The following DPF3 variants were observed in gnomAD, a reference collection of about 807,000 sequenced individuals.
DPF3 encodes zinc finger protein DPF3.
DPF3 carries 18 observed loss-of-function variants against 56.8 expected under a neutral mutation model. The observed-to-expected ratio is 0.32, with a 90% CI of 0.22 to 0.47. The LOEUF is 0.47. Among genes scored for constraint, DPF3 ranks in the 20% least tolerant of loss-of-function variants. The pLI is 1.00. For synonymous variants in DPF3, 188 were observed against 180.2 expected (o/e 1.04, Z -0.35); for missense variants, 403 against 488.8 (o/e 0.82, Z 1.65).
intron 7 of DPF3, among the ~76,000 whole-genome samples, chr14:72,684,693 G>A (rs1415646489): frequency 6.6e-6 from 1 of 152,070 alleles, no homozygotes; most frequent in Non-Finnish European, 1.5e-5. Context: ...CAGGGGTGGG[G>A]TCTCTAAAAC....
intron 1 of DPF3, among the ~76,000 whole-genome samples, chr14:72,860,691 G>A (rs1341729060): frequency 4.0e-5 from 6 of 151,804 alleles, no homozygotes; most frequent in Non-Finnish European, 7.4e-5. Flanking sequence ...TCAGCCTCCC[G>A]AGTAGCTGAG....
At chr14:72,863,134 GTGTA>G (rs1308457964) in intron 1 of DPF3, among the ~76,000 whole-genome samples, 1,275 of 91,376 alleles carry the variant, frequency 0.014, 21 homozygotes, top group African/African-American at 0.074. Flanking sequence ...GTGTGTGTGT[GTGTA>G]TATATATATG....
intron 1 of DPF3, among the ~76,000 whole-genome samples, chr14:72,812,560 C>G (rs1464406620): frequency 6.6e-6 from 1 of 152,126 alleles, no homozygotes; most frequent in African/African-American, 2.4e-5. Flanking sequence ...TCACCGAGAG[C>G]CACCTGAGCT....
rs1170821095 is a variant in DPF3, at chr14:72,777,549, A to G, written c.33-5656T>C. 5.9e-5 allele frequency among the ~76,000 whole-genome samples: 9 copies of G among 152,176 alleles called. No individual in the cohort carries two copies. The East Asian group carries it at 1.5e-3, about 26-fold the overall frequency. The stretch of plus-strand genomic sequence containing the variant: ...GGAGATGGAGCATTTGGGAGGTGAT[A>G]TCATTTGATATTTACCCCTGCCCAA... On this transcript the variant is annotated intron_variant, in intron 1 of 10. Coordinates refer to ENST00000556509, the MANE Select transcript of DPF3 (RefSeq NM_001280542.3).
intron 1 of DPF3, among the ~76,000 whole-genome samples, chr14:72,861,395 C>G (rs903710581): frequency 6.6e-6 from 1 of 152,044 alleles, no homozygotes; most frequent in Non-Finnish European, 1.5e-5. Flanking sequence ...AATTCAGACC[C>G]CTAGCTCTCC....
At chr14:72,892,677 C>G in intron 1 of DPF3, 1 of 1,032,110 alleles carries the variant, frequency 9.7e-7, no homozygotes. Context: ...CCAGGGTCGA[C>G]AGCGGCCACG....
intron 8 of DPF3, among the ~76,000 whole-genome samples, chr14:72,635,067 C>T (rs1206567328): frequency 6.6e-6 from 1 of 152,162 alleles, no homozygotes; most frequent in Non-Finnish European, 1.5e-5. Context: ...ATTCCTGATT[C>T]AGCCCTAACC....
At chr14:72,813,962 T>C (rs1026343471) in intron 1 of DPF3, among the ~76,000 whole-genome samples, 4 of 152,166 alleles carry the variant, frequency 2.6e-5, no homozygotes, top group Admixed American at 2.6e-4. Context: ...AAGGCATACT[T>C]TAATAGAATT....
intron 6 of DPF3, among the ~76,000 whole-genome samples, chr14:72,695,630 G>A (rs768077602): frequency 9.2e-5 from 14 of 152,162 alleles, no homozygotes; most frequent in South Asian, 2.1e-4. Flanking sequence ...AATATTCCAC[G>A]GAATATCCTG....
chr14:72,774,083 G>T, intron 1 of DPF3: 1 of 414,044 alleles, frequency 2.4e-6, no homozygotes, highest in Non-Finnish European at 4.8e-6. Context: ...TCAGGAGTTC[G>T]AGACCAGCCT....
chr14:72,862,216 A>T (rs1599504446), intron 1 of DPF3, among the ~76,000 whole-genome samples: 1 of 152,098 alleles, frequency 6.6e-6, no homozygotes, highest in East Asian at 1.9e-4. Flanking sequence ...CCCCCCCTGC[A>T]TGCTATCAAC....
At chr14:72,848,769 G>A (rs1250397274) in intron 1 of DPF3, among the ~76,000 whole-genome samples, 1 of 152,158 alleles carries the variant, frequency 6.6e-6, no homozygotes, top group Non-Finnish European at 1.5e-5. Context: ...AGAGAGAGTA[G>A]GTTTAGGAAA....
At chr14:72,826,957 G>A (rs866511053) in intron 1 of DPF3, among the ~76,000 whole-genome samples, 7 of 151,490 alleles carry the variant, frequency 4.6e-5, no homozygotes, top group Non-Finnish European at 8.8e-5. Context: ...CAGGAGAATC[G>A]CTTGAAACTG....
At chr14:72,737,070 A>G (rs930153173) in intron 3 of DPF3, among the ~76,000 whole-genome samples, 7 of 152,092 alleles carry the variant, frequency 4.6e-5, no homozygotes, top group African/African-American at 1.7e-4. Context: ...ATCACACCAG[A>G]GACAGCTTCT....
intron 1 of DPF3, among the ~76,000 whole-genome samples, chr14:72,859,469 T>TCCA (rs1885298324): frequency 5.9e-4 from 36 of 60,712 alleles, no homozygotes; most frequent in African/African-American, 1.7e-3. Flanking sequence ...TGCAGCTTCC[T>TCCA]CCCCCCCCCC....
chr14:72,674,233 C>T lies in DPF3; in HGVS notation c.871+7G>A, dbSNP rs764195494. ...GGGCACCCGGTGTGGGAAGGGGCCA[C>T]ACTCACCAGAGCGTCCACAGTCTGC... On this transcript the variant is annotated splice_region_variant and intron_variant, in intron 8 of 10. Transcript: ENST00000556509. 11 of 1,611,338 alleles carry T rather than the reference C, an allele frequency of 6.8e-6. No individual in the cohort carries two copies. Among genetic ancestry groups the T allele is most frequent in the African/African-American group, 4.0e-5 (3 of 74,806 alleles).
chr14:72,655,780 T>A (rs138667539), intron 8 of DPF3, among the ~76,000 whole-genome samples: 1 of 152,348 alleles, frequency 6.6e-6, no homozygotes, highest in Non-Finnish European at 1.5e-5. Flanking sequence ...GTGAAACTAA[T>A]CTTCTCCACG....
At chr14:72,721,586 G>A (rs749342652) in intron 5 of DPF3, among the ~76,000 whole-genome samples, 3 of 152,224 alleles carry the variant, frequency 2.0e-5, no homozygotes, top group Non-Finnish European at 4.4e-5. Flanking sequence ...ACTGTATAAG[G>A]GAGAGATCAG....
chr14:72,763,141 G>T lies in DPF3; in HGVS notation c.193+8592C>A, dbSNP rs183091703. Among the ~76,000 whole-genome samples, 99 of 152,006 alleles carry T rather than the reference G, an allele frequency of 6.5e-4. 2 individuals carry two copies. The East Asian group carries it at 0.014, about 21-fold the overall frequency. On this transcript the variant is annotated intron_variant, in intron 2 of 10. Transcript: ENST00000556509. ...AATTGAAAGATATGCCATATTCATG[G>T]GTTGCAAGACTCAATACTGAAAATT...
Sources: gnomAD v4.1 joint callset for allele counts (sites outside exome capture counted in the v4.1 genomes callset) on GRCh38, gnomAD v4.1.1 for gene constraint, MANE v1.5 for transcripts, NCBI Gene and HGNC (gene_info 2026-07-23, HGNC 2026-07-21) for gene names.